The following TCF7L2 variants were observed in gnomAD, a reference collection of about 807,000 sequenced individuals.
TCF7L2 encodes the protein transcription factor 7-like 2.
In TCF7L2, 23 loss-of-function variants were observed where a neutral mutation model predicts 77.9. The ratio of observed to expected loss-of-function variants is 0.30; its 90% CI spans 0.21 to 0.42. The LOEUF (loss-of-function observed/expected upper bound fraction) is 0.42. TCF7L2 is among the 10% of genes least tolerant of loss of function. The probability of loss-of-function intolerance (pLI) is 1.00; values close to 1 mark genes in which losing one functional copy is unlikely to be tolerated. For synonymous variants in TCF7L2, 413 were observed against 340.2 expected, an observed-to-expected ratio of 1.21 and a Z score of -2.36; for missense variants, 654 against 793.1, an observed-to-expected ratio of 0.82 and a Z score of 2.11.
chr10:112,986,803 G>A (rs946343935), intron 4 of TCF7L2, among the ~76,000 whole-genome samples: 3 of 152,070 alleles, frequency 2.0e-5, no homozygotes, highest in Non-Finnish European at 2.9e-5. Flanking sequence ...ACTCACCTCC[G>A]TCTCCTTTTT....
At chr10:113,097,073 G>T (rs1041456757) in intron 5 of TCF7L2, among the ~76,000 whole-genome samples, 1 of 135,536 alleles carries the variant, frequency 7.4e-6, no homozygotes, top group South Asian at 2.3e-4. Flanking sequence ...GGAGATGACA[G>T]TAGCTTGCCT....
At chr10:112,955,196 A>G (rs1220228922) in intron 3 of TCF7L2, among the ~76,000 whole-genome samples, 1 of 151,946 alleles carries the variant, frequency 6.6e-6, no homozygotes, top group Non-Finnish European at 1.5e-5. Flanking sequence ...TACACAGGTC[A>G]TTACATTTTA....
chr10:113,105,023 C>T (rs1011334859), intron 5 of TCF7L2, among the ~76,000 whole-genome samples: 1 of 152,160 alleles, frequency 6.6e-6, no homozygotes, highest in African/African-American at 2.4e-5. Context: ...TTGCAAAGGC[C>T]ATTAACTTGA....
At chr10:113,009,967 T>C (rs555147255) in intron 4 of TCF7L2, among the ~76,000 whole-genome samples, 10 of 152,000 alleles carry the variant, frequency 6.6e-5, no homozygotes, top group Non-Finnish European at 1.3e-4. Flanking sequence ...CTTAAGTCTT[T>C]GGTTGGGCTT....
intron 5 of TCF7L2, among the ~76,000 whole-genome samples, chr10:113,097,671 A>AAC (rs2061185317): frequency 8.2e-6 from 1 of 122,682 alleles, no homozygotes; most frequent in African/African-American, 2.7e-5. Context: ...AAAAAAAAAA[A>AAC]AAACAACCAT....
At chr10:112,972,668 G>A (rs1255118311) in intron 4 of TCF7L2, among the ~76,000 whole-genome samples, 3 of 152,018 alleles carry the variant, frequency 2.0e-5, no homozygotes, top group South Asian at 4.1e-4. Context: ...ATGGGGCTTC[G>A]CCATGTTGCC....
rs1215797877 is a variant in TCF7L2 at position 113,151,552 on chromosome 10, T to TC, written c.1002-169dup. ...AAAATCCCTCTCTTCCCCCAACCCCTCCCCAAGCTATTTTTGTTCCATTTT... is the reference window on the plus strand; with the variant it reads ...AAAATCCCTCTCTTCCCCCAACCCCTCCCCCAAGCTATTTTTGTTCCATTTT... On this transcript the variant is annotated intron_variant, in intron 9 of 13. Coordinates refer to ENST00000627217, the MANE Select transcript of TCF7L2 (RefSeq NM_001146274.2). This position sits in a 1 kb window ranked among gnomAD's most constrained non-coding sequence, Gnocchi z 5.2. Among the ~76,000 whole-genome samples, 1 of 151,978 alleles carries TC rather than the reference T, an allele frequency of 6.6e-6. No individual in the cohort carries two copies. Among genetic ancestry groups the TC allele is most frequent in the Non-Finnish European group, 1.5e-5 (1 of 68,000 alleles).
chr10:113,112,956 G>A (rs1485108507), intron 5 of TCF7L2, among the ~76,000 whole-genome samples: 1 of 152,114 alleles, frequency 6.6e-6, no homozygotes, highest in African/African-American at 2.4e-5. Flanking sequence ...TGTCATTGCG[G>A]TTTATAAAAT....
intron 4 of TCF7L2, among the ~76,000 whole-genome samples, chr10:113,000,611 C>T (rs1370650442): frequency 6.6e-6 from 1 of 152,174 alleles, no homozygotes; most frequent in South Asian, 2.1e-4. Context: ...GATGGCTTTC[C>T]TGGACAGCGA....
rs752424210 is a variant in TCF7L2, at chr10:113,013,268, GC to G, written c.451-26752del. The stretch of plus-strand genomic sequence containing the variant: ...TGAATAGCTGGGACTACAGGCGTGC[GC>G]CCCCACACCTGGCTAAGTTTTGTCT... On this transcript the variant is annotated intron_variant, in intron 4 of 13. Coordinates refer to ENST00000627217, the MANE Select transcript of TCF7L2 (RefSeq NM_001146274.2). Among the ~76,000 whole-genome samples, 180 of 152,112 alleles carry G rather than the reference GC, an allele frequency of 1.2e-3. 1 individual carries two copies. Among genetic ancestry groups the G allele is most frequent in the Middle Eastern group, 0.01 (3 of 294 alleles).
At chr10:113,012,427 G>C (rs1054090474) in intron 4 of TCF7L2, among the ~76,000 whole-genome samples, 1 of 152,140 alleles carries the variant, frequency 6.6e-6, no homozygotes, top group Non-Finnish European at 1.5e-5. Flanking sequence ...CTCTGTGGTG[G>C]GTTCTAGGGG....
At chr10:113,093,834 C>G (rs2060643930) in intron 5 of TCF7L2, among the ~76,000 whole-genome samples, 1 of 152,180 alleles carries the variant, frequency 6.6e-6, no homozygotes, top group Admixed American at 6.5e-5. Context: ...AAAGAGTTTT[C>G]TTTTTTCTTC....
intron 5 of TCF7L2, among the ~76,000 whole-genome samples, chr10:113,101,002 G>A (rs1002041951): frequency 6.6e-6 from 1 of 152,106 alleles, no homozygotes; most frequent in African/African-American, 2.4e-5. Context: ...TTGAACCAGG[G>A]AGGAGGAGGT....
intron 4 of TCF7L2, among the ~76,000 whole-genome samples, chr10:112,974,066 C>T (rs2038879098): frequency 6.6e-6 from 1 of 152,210 alleles, no homozygotes; most frequent in Admixed American, 6.5e-5. Flanking sequence ...TCTTTCAACA[C>T]GGCTTTCTTT....
intron 5 of TCF7L2, among the ~76,000 whole-genome samples, chr10:113,040,864 T>A (rs1184996971): frequency 6.6e-6 from 1 of 152,220 alleles, no homozygotes; most frequent in Non-Finnish European, 1.5e-5. Context: ...TTCTATGTAT[T>A]TATATCATGA....
chr10:113,145,958 T>TGCCCC, intron 7 of TCF7L2, 53 bp from the exon 8 acceptor site: 3 of 1,350,236 alleles, frequency 2.2e-6, no homozygotes, highest in Non-Finnish European at 2.1e-6. Context: ...CTTTTTCTTG[T>TGCCCC]CCCCACCCCC....
intron 5 of TCF7L2, among the ~76,000 whole-genome samples, chr10:113,100,384 G>A: frequency 6.6e-6 from 1 of 152,204 alleles, no homozygotes; most frequent in East Asian, 1.9e-4. Flanking sequence ...TTAGAAGGCA[G>A]AAGGCAGAAT....
chr10:113,101,255 T>C (rs368044058), intron 5 of TCF7L2, among the ~76,000 whole-genome samples: 67 of 152,296 alleles, frequency 4.4e-4, no homozygotes, highest in African/African-American at 1.5e-3. Context: ...ATATATCTTA[T>C]CTCATAAGAT....
intron 8 of TCF7L2, 88 bp from the exon 9 acceptor site, chr10:113,150,910 T>G (rs868328506): frequency 6.5e-7 from 1 of 1,548,904 alleles, no homozygotes; most frequent in South Asian, 1.2e-5. Flanking sequence ...TACGTGCTGT[T>G]TTTTTTTTTC....
Sources: allele counts gnomAD v4.1 joint callset (sites outside exome capture counted in the v4.1 genomes callset), GRCh38; gene constraint gnomAD v4.1.1; non-coding constraint Gnocchi (gnomAD v3.1); transcripts MANE v1.5; gene names NCBI Gene and HGNC (gene_info 2026-07-23, HGNC 2026-07-21).